Variants in SLCO1B3 observed in about 807,000 individuals in gnomAD.
The protein encoded by SLCO1B3 is solute carrier organic anion transporter family member 1B3, also known as liver-specific organic anion transporter 2.
In SLCO1B3, 72 loss-of-function variants were observed where a neutral mutation model predicts 71.8. That is an observed-to-expected ratio of 1.00 (90% CI 0.83 to 1.22). The LOEUF is 1.22. Ranked by LOEUF, SLCO1B3 falls within the 50% of genes most tolerant of loss-of-function variation. SLCO1B3 has a pLI of 0.00. For missense variants in SLCO1B3, 911 were observed against 819.7 expected (o/e 1.11, Z -1.36); for synonymous variants, 298 against 278.4 (o/e 1.07, Z -0.70).
chr12:20,858,013 T>C (rs1197434877), intron 4 of SLCO1B3, among the ~76,000 whole-genome samples: 1 of 152,098 alleles, frequency 6.6e-6, no homozygotes, highest in Non-Finnish European at 1.5e-5. Context: ...AGAGAACAAG[T>C]ACCACGATTT....
chr12:20,818,244 G>A (rs911599655), intron 3 of SLCO1B3, among the ~76,000 whole-genome samples: 1 of 152,144 alleles, frequency 6.6e-6, no homozygotes, highest in South Asian at 2.1e-4. Context: ...TGGTGGCTGA[G>A]CTTGGTGAGG....
chr12:20,811,018 T>C (rs1864101722), intron 1 of SLCO1B3, among the ~76,000 whole-genome samples: 1 of 152,192 alleles, frequency 6.6e-6, no homozygotes. Context: ...TTTGGAGTCC[T>C]ATTTCTATTG....
At chr12:20,811,564 A>G (rs1864110979) in intron 1 of SLCO1B3, among the ~76,000 whole-genome samples, 1 of 152,218 alleles carries the variant, frequency 6.6e-6, no homozygotes, top group African/African-American at 2.4e-5. Flanking sequence ...CTGGTTTTCT[A>G]TAACCCCTTA....
chr12:20,897,985 A>G (rs1866049316), intron 13 of SLCO1B3, among the ~76,000 whole-genome samples: 1 of 152,200 alleles, frequency 6.6e-6, no homozygotes, highest in African/African-American at 2.4e-5. Flanking sequence ...TAATTTACGA[A>G]TCATATTAAT....
chr12:20,812,177 G>A (rs556489864), intron 1 of SLCO1B3, among the ~76,000 whole-genome samples: 70 of 152,184 alleles, frequency 4.6e-4, no homozygotes, highest in Non-Finnish European at 8.8e-4. Context: ...AAAGTGCTGG[G>A]ATTACAGGCA....
chr12:20,858,503 T>G lies in SLCO1B3; in HGVS notation c.291T>G (p.Ile97Met). The G allele has an allele frequency of 6.3e-7, 1 of 1,596,782 alleles. No individual in the cohort carries two copies. Among genetic ancestry groups the G allele is most frequent in the Non-Finnish European group, 8.6e-7 (1 of 1,164,200 alleles). ...FGSKLHRPKL[I>M]GIGCLLMGTG... ...CTAAACTACACAGACCGAAGTTAAT[T>G]GGAATTGGTTGTCTCCTTATGGGAA... Residue 97 changes from isoleucine to methionine, a missense_variant, in exon 5 of 16, where the codon ATT becomes ATG. Transcript: ENST00000381545.
At chr12:20,815,269 GTCA>G (rs1395052280) in intron 2 of SLCO1B3, among the ~76,000 whole-genome samples, 1 of 151,982 alleles carries the variant, frequency 6.6e-6, no homozygotes, top group Non-Finnish European at 1.5e-5. Flanking sequence ...CTATGTGCAA[GTCA>G]TCATTTGGCA....
chr12:20,877,656 C>T lies in SLCO1B3; in HGVS notation c.971-116C>T, dbSNP rs4149137. 256,896 of 423,458 alleles carry T rather than the reference C, an allele frequency of 0.61. 82,330 individuals carry two copies. Among genetic ancestry groups the T allele is most frequent in the South Asian group, 0.77 (6,931 of 8,954 alleles). 26.2% of individuals were successfully genotyped at this position (423,458 alleles called of 1,614,324 possible). A position where few individuals can be genotyped will look rare whatever the true frequency, so the allele number is the denominator to read the frequency against. ...TATTTTGAGCAAAGGTCGCGACTCT[C>T]TTAGAAAGCCTCACAAATCATTTGT... On this transcript the variant is annotated intron_variant, in intron 9 of 15. Transcript: ENST00000381545.
intron 15 of SLCO1B3, among the ~76,000 whole-genome samples, chr12:20,906,364 C>A (rs533101286): frequency 1.1e-4 from 16 of 152,180 alleles, no homozygotes; most frequent in African/African-American, 3.9e-4. Flanking sequence ...AATGAGTAGG[C>A]CTAGCACAAG....
At chr12:20,823,065 C>A (rs1346809163) in intron 3 of SLCO1B3, among the ~76,000 whole-genome samples, 21 of 151,824 alleles carry the variant, frequency 1.4e-4, no homozygotes. Flanking sequence ...ATCTTATGTC[C>A]TGCAAAGAAA....
At position 20,880,972 on chromosome 12, in the gene SLCO1B3, A is replaced by C. The variant is rs1370122693; in HGVS notation, c.1449A>C (p.Ser483=). ...VCGNNGITYL[S]PCLAGCKSSS... is the part of the protein sequence containing the mutation. ...GGAACAATGGAATAACTTACCTGTC[A>C]CCTTGTCTAGCAGGATGCAAATCCT... Residue 483 remains serine, a synonymous_variant, in exon 12 of 16, where the codon TCA becomes TCC. Transcript: ENST00000381545. 1 of 1,612,712 alleles carries C rather than the reference A, an allele frequency of 6.2e-7. No individual in the cohort carries two copies. The highest frequency in any genetic ancestry group is 1.3e-5 in the African/African-American group (1 of 74,870).
rs2121109035 is a variant in SLCO1B3, at chr12:20,825,836, A to G, written c.84+10014A>G. On this transcript the variant is annotated intron_variant, in intron 3 of 15. Coordinates refer to ENST00000381545, the MANE Select transcript of SLCO1B3 (RefSeq NM_019844.4). ...AAAAAAGAAAGAAAGAAGAAAAACC[A>G]TGAAAACTTAATAGAATTAGGACTT... Among the ~76,000 whole-genome samples the G allele has an allele frequency of 1.3e-5, 2 of 151,408 alleles. 1 individual carries two copies. Among genetic ancestry groups the G allele is most frequent in the Middle Eastern group, 6.8e-3 (2 of 292 alleles).
intron 3 of SLCO1B3, among the ~76,000 whole-genome samples, chr12:20,831,207 A>G (rs531726733): frequency 2.6e-5 from 4 of 151,912 alleles, no homozygotes; most frequent in African/African-American, 9.7e-5. Context: ...AAATACACAA[A>G]TTATCCGGGC....
chr12:20,899,511 G>A (rs1178241227), intron 14 of SLCO1B3, among the ~76,000 whole-genome samples: 1 of 152,192 alleles, frequency 6.6e-6, no homozygotes, highest in Non-Finnish European at 1.5e-5. Context: ...CGGTGAGAAG[G>A]TCACAGATCC....
chr12:20,828,665 A>G (rs968385951), intron 3 of SLCO1B3, among the ~76,000 whole-genome samples: 1 of 151,690 alleles, frequency 6.6e-6, no homozygotes. Context: ...ACACACACAC[A>G]CTCACACACA....
intron 13 of SLCO1B3, among the ~76,000 whole-genome samples, chr12:20,886,021 A>G (rs904748765): frequency 4.6e-5 from 7 of 152,078 alleles, no homozygotes; most frequent in African/African-American, 1.7e-4. Context: ...AGGAAGTGGG[A>G]AGATATTTGT....
At chr12:20,854,909 T>G (rs923846332) in intron 3 of SLCO1B3, 119 bp from the exon 4 acceptor site, 1 of 903,430 alleles carries the variant, frequency 1.1e-6, no homozygotes. Context: ...GAAAAATGGG[T>G]ATTTTTTTAT....
intron 3 of SLCO1B3, among the ~76,000 whole-genome samples, chr12:20,836,786 C>A (rs1864691189): frequency 6.6e-6 from 1 of 152,016 alleles, no homozygotes; most frequent in Non-Finnish European, 1.5e-5. Flanking sequence ...GGACTACAGG[C>A]ACCCACCACC....
chr12:20,824,211 C>G (rs146978281), intron 3 of SLCO1B3, among the ~76,000 whole-genome samples: 1,558 of 152,222 alleles, frequency 0.01, 32 homozygotes, highest in Non-Finnish European at 0.015. Flanking sequence ...TTTCTTGACT[C>G]TGAAAAATAA....
Sources: gnomAD v4.1 joint callset for allele counts (sites outside exome capture counted in the v4.1 genomes callset) on GRCh38, gnomAD v4.1.1 for gene constraint, MANE v1.5 for transcripts, NCBI Gene and HGNC (gene_info 2026-07-23, HGNC 2026-07-21) for gene names.